The following ZBTB40 variants were observed in gnomAD, a reference collection of about 807,000 sequenced individuals.
ZBTB40 encodes zinc finger and BTB domain containing 40.
In ZBTB40, 60 loss-of-function variants were observed where a neutral mutation model predicts 117.5. The observed-to-expected ratio is 0.51, with a 90% CI of 0.41 to 0.63. The LOEUF is 0.63. ZBTB40 is among the 30% of genes least tolerant of loss of function. ZBTB40 has a pLI of 0.00. For synonymous variants in ZBTB40, 525 were observed against 577.1 expected, an observed-to-expected ratio of 0.91 and a Z score of 1.29; for missense variants, 1,287 against 1,498.5, an observed-to-expected ratio of 0.86 and a Z score of 2.33.
Position 22,528,896 on chromosome 1 carries a change from T to C in ZBTB40, c.*2500T>C, listed in dbSNP as rs1010528783. On this transcript the variant is annotated 3_prime_UTR_variant, in exon 18 of 18. Coordinates refer to ENST00000375647, the MANE Select transcript of ZBTB40 (RefSeq NM_014870.4). ...TTTGTTTTCTTCGGAATCACCAGAT[T>C]TGCAGCTTACTGTGCCGAGAGTGGA... 1 of 152,284 alleles carries C rather than the reference T, an allele frequency of 6.6e-6. No homozygotes were observed. The highest frequency in any genetic ancestry group is 2.4e-5 in the African/African-American group (1 of 41,424). 9.4% of individuals were successfully genotyped at this position (152,284 alleles called of 1,614,324 possible). A position where few individuals can be genotyped will look rare whatever the true frequency, so the allele number is the denominator to read the frequency against.
intron 1 of ZBTB40, among the ~76,000 whole-genome samples, chr1:22,487,266 A>G (rs1328535069): frequency 1.3e-5 from 2 of 152,312 alleles, no homozygotes; most frequent in Admixed American, 1.3e-4. Context: ...TTATCTGTCA[A>G]TTTCAGTGTC....
intron 3 of ZBTB40, among the ~76,000 whole-genome samples, chr1:22,494,888 A>G (rs575471560): frequency 1.1e-4 from 16 of 152,332 alleles, no homozygotes; most frequent in Admixed American, 9.8e-4. Flanking sequence ...AGATTTCACC[A>G]TAAGGCTTCA....
At chr1:22,482,986 G>T (rs1020896946) in intron 1 of ZBTB40, among the ~76,000 whole-genome samples, 1 of 151,908 alleles carries the variant, frequency 6.6e-6, no homozygotes, top group Non-Finnish European at 1.5e-5. Context: ...GGCTGAGGCA[G>T]GAGAATGGTG....
chr1:22,449,212 G>C (rs966722478), upstream of ZBTB40, among the ~76,000 whole-genome samples: 5 of 152,152 alleles, frequency 3.3e-5, no homozygotes, highest in Non-Finnish European at 5.9e-5. Context: ...TTTAGCAGAG[G>C]CACCTCGGGC....
At chr1:22,509,664 A>G (rs927802136) in intron 9 of ZBTB40, among the ~76,000 whole-genome samples, 2 of 152,098 alleles carry the variant, frequency 1.3e-5, no homozygotes, top group Admixed American at 1.3e-4. Context: ...CAATATCTGT[A>G]CCCCTTGCTA....
chr1:22,520,837 C>T (rs898195799), intron 14 of ZBTB40, among the ~76,000 whole-genome samples: 2 of 152,232 alleles, frequency 1.3e-5, no homozygotes, highest in Admixed American at 6.5e-5. Flanking sequence ...GACAAAGAAG[C>T]ATAACTGCTA....
intron 1 of ZBTB40, among the ~76,000 whole-genome samples, chr1:22,464,039 C>CA (rs1269152732): frequency 1.3e-5 from 2 of 152,220 alleles, no homozygotes; most frequent in Non-Finnish European, 1.5e-5. Context: ...GGGCAGTGAT[C>CA]ATGATCATGG....
intron 1 of ZBTB40, among the ~76,000 whole-genome samples, chr1:22,437,618 C>T (rs1640686336): frequency 6.6e-6 from 1 of 151,800 alleles, no homozygotes; most frequent in Non-Finnish European, 1.5e-5. Context: ...CGGGGTTTTA[C>T]CCGATTTGTC....
At chr1:22,484,019 T>A (rs1440785142) in intron 1 of ZBTB40, among the ~76,000 whole-genome samples, 3 of 152,264 alleles carry the variant, frequency 2.0e-5, no homozygotes, top group African/African-American at 7.2e-5. Flanking sequence ...CTTTGCTTCA[T>A]TTTAGTGCCT....
Position 22,530,943 on chromosome 1 carries a change from C to G in ZBTB40, c.*4547C>G, listed in dbSNP as rs1007480062. On this transcript the variant is annotated 3_prime_UTR_variant, in exon 18 of 18. Coordinates refer to ENST00000375647, the MANE Select transcript of ZBTB40 (RefSeq NM_014870.4). ...CAGAGCACAGGCTTTGGTGTCCAGC[C>G]TGGGTACATCCAGCTGTCCCGCTGT... 1 of 152,164 alleles carries G rather than the reference C, an allele frequency of 6.6e-6. No homozygotes were observed. The highest frequency in any genetic ancestry group is 1.5e-5 in the Non-Finnish European group (1 of 68,038). The allele number at this position is 152,164 out of a possible 1,614,324, so 9.4% of individuals were successfully genotyped here. A position where few individuals can be genotyped will look rare whatever the true frequency, so the allele number is the denominator to read the frequency against.
intron 1 of ZBTB40, among the ~76,000 whole-genome samples, chr1:22,431,810 A>T (rs80144629): frequency 3.4e-4 from 51 of 151,080 alleles, no homozygotes; most frequent in African/African-American, 1.2e-3. Flanking sequence ...TAGGTTTTTT[A>T]AAATTTGTAT....
At chr1:22,446,934 C>T (rs1640796475), upstream of ZBTB40, among the ~76,000 whole-genome samples, 1 of 151,854 alleles carries the variant, frequency 6.6e-6, no homozygotes, top group African/African-American at 2.4e-5. Context: ...AAAATCCCAT[C>T]TCTACAAAAA....
intron 3 of ZBTB40, among the ~76,000 whole-genome samples, chr1:22,493,378 T>C (rs1638685859): frequency 6.6e-6 from 1 of 152,228 alleles, no homozygotes; most frequent in Non-Finnish European, 1.5e-5. Flanking sequence ...ACTTTAAGAA[T>C]ATAAGATTAA....
At chr1:22,515,512 G>A (rs1280012446) in intron 12 of ZBTB40, among the ~76,000 whole-genome samples, 2 of 152,104 alleles carry the variant, frequency 1.3e-5, no homozygotes, top group Non-Finnish European at 2.9e-5. Context: ...GAGGCTCTAG[G>A]GGAGATCTCA....
At chr1:22,485,227 T>A (rs1638433084) in intron 1 of ZBTB40, among the ~76,000 whole-genome samples, 1 of 152,174 alleles carries the variant, frequency 6.6e-6, no homozygotes. Context: ...TTGGTATAAT[T>A]TCTTTCTTAA....
At chr1:22,453,177 A>G (rs1019960988) in intron 1 of ZBTB40, among the ~76,000 whole-genome samples, 4 of 152,194 alleles carry the variant, frequency 2.6e-5, no homozygotes, top group African/African-American at 9.7e-5. Flanking sequence ...GTTAATGGAG[A>G]TTTAATTACA....
intron 1 of ZBTB40, among the ~76,000 whole-genome samples, chr1:22,476,940 A>G (rs537923967): frequency 2.0e-5 from 3 of 152,346 alleles, no homozygotes; most frequent in Middle Eastern, 3.4e-3. Context: ...ACCTCCGGAA[A>G]GTGCCCTTTC....
At chr1:22,481,775 G>A (rs1421514806) in intron 1 of ZBTB40, among the ~76,000 whole-genome samples, 1 of 62,742 alleles carries the variant, frequency 1.6e-5, no homozygotes, top group Non-Finnish European at 2.8e-5. Flanking sequence ...TAAGACTTAT[G>A]TCTTGTTTTA....
intron 1 of ZBTB40, among the ~76,000 whole-genome samples, chr1:22,439,261 A>G (rs1371636637): frequency 2.0e-5 from 3 of 152,168 alleles, no homozygotes; most frequent in African/African-American, 7.2e-5. Flanking sequence ...TATCTGATAT[A>G]TGATTTATAA....
Sources: allele counts gnomAD v4.1 joint callset (sites outside exome capture counted in the v4.1 genomes callset), GRCh38; gene constraint gnomAD v4.1.1; transcripts MANE v1.5; gene names NCBI Gene and HGNC (gene_info 2026-07-23, HGNC 2026-07-21).